Variants in SLIT3 observed in about 807,000 individuals in gnomAD.
The protein encoded by SLIT3 is slit guidance ligand 3.
A neutral mutation model predicts 184.0 loss-of-function variants in SLIT3; 68 were observed. The observed-to-expected ratio is 0.37, with a 90% CI of 0.30 to 0.45. SLIT3 has a LOEUF of 0.45. SLIT3 is among the 20% of genes least tolerant of loss of function. SLIT3 has a pLI of 1.00. For synonymous variants in SLIT3, 831 were observed against 828.6 expected, an observed-to-expected ratio of 1.00 and a Z score of -0.05; for missense variants, 1,707 against 2,026.0, an observed-to-expected ratio of 0.84 and a Z score of 3.02.
intron 3 of SLIT3, among the ~76,000 whole-genome samples, chr5:169,220,449 G>C (rs1406412354): frequency 1.3e-5 from 2 of 152,078 alleles, no homozygotes; most frequent in African/African-American, 4.8e-5. Context: ...GGGACCTCCT[G>C]AGTTTCTTTA....
intron 2 of SLIT3, among the ~76,000 whole-genome samples, chr5:169,246,943 A>G (rs1178038934): frequency 6.9e-6 from 1 of 144,662 alleles, no homozygotes; most frequent in African/African-American, 2.6e-5. Flanking sequence ...AAAAAAAAAA[A>G]AAAAAGGCTG....
chr5:168,931,880 T>C (rs1169124914), intron 4 of SLIT3, among the ~76,000 whole-genome samples: 1 of 152,188 alleles, frequency 6.6e-6, no homozygotes, highest in African/African-American at 2.4e-5. Context: ...TCCCTAGAGA[T>C]GTCTGTGTCA....
intron 5 of SLIT3, among the ~76,000 whole-genome samples, chr5:168,875,509 C>T (rs376681700): frequency 7.9e-5 from 12 of 152,026 alleles, no homozygotes; most frequent in Middle Eastern, 3.4e-3. Flanking sequence ...TGGCAGGCAC[C>T]GGTAATCCCA....
intron 4 of SLIT3, among the ~76,000 whole-genome samples, chr5:168,959,931 A>G (rs1338618373): frequency 6.6e-6 from 1 of 152,068 alleles, no homozygotes; most frequent in African/African-American, 2.4e-5. Context: ...TATCATCCTC[A>G]CTTTAGCGCT....
At chr5:168,969,130 C>T (rs1754458239) in intron 4 of SLIT3, among the ~76,000 whole-genome samples, 1 of 152,102 alleles carries the variant, frequency 6.6e-6, no homozygotes, top group Admixed American at 6.6e-5. Flanking sequence ...TCTTAACCAG[C>T]AGAGAGGAAC....
intron 8 of SLIT3, among the ~76,000 whole-genome samples, chr5:168,807,790 C>G (rs554628348): frequency 1.3e-5 from 2 of 152,276 alleles, no homozygotes; most frequent in East Asian, 3.9e-4. Flanking sequence ...GAAACTGAGT[C>G]TAGGAAGCCA....
chr5:169,288,253 C>T (rs1346621582), intron 1 of SLIT3, among the ~76,000 whole-genome samples: 4 of 152,068 alleles, frequency 2.6e-5, no homozygotes, highest in Admixed American at 6.6e-5. Flanking sequence ...AGTTAGAACT[C>T]TAATAAAATG....
chr5:169,181,923 T>C lies in SLIT3; in HGVS notation c.413+11556A>G, dbSNP rs563857519. 2.2e-4 allele frequency among the ~76,000 whole-genome samples: 34 copies of C among 152,288 alleles called. 1 individual carries two copies. In the South Asian group the frequency reaches 3.1e-3, roughly 14 times the overall value. ...GCATTTTGACCTCCAAAAGTCAAGATGTTCCCTTTATCTGGAGAAACGTTG... is the reference window on the plus strand; with the variant it reads ...GCATTTTGACCTCCAAAAGTCAAGACGTTCCCTTTATCTGGAGAAACGTTG... On this transcript the variant is annotated intron_variant, in intron 4 of 35. Coordinates refer to ENST00000519560, the MANE Select transcript of SLIT3 (RefSeq NM_003062.4).
chr5:169,006,578 T>C (rs74328213), intron 4 of SLIT3, among the ~76,000 whole-genome samples: 1,782 of 140,108 alleles, frequency 0.013, 83 homozygotes, highest in East Asian at 0.09. Flanking sequence ...TTTCCCCCTC[T>C]TCTCTCTCTC....
intron 1 of SLIT3, among the ~76,000 whole-genome samples, chr5:169,286,505 T>C (rs1283600883): frequency 6.6e-6 from 1 of 152,134 alleles, no homozygotes; most frequent in Non-Finnish European, 1.5e-5. Context: ...TGAGGATGCA[T>C]AGGGCTGAAA....
chr5:169,229,460 A>G (rs2113548495), intron 3 of SLIT3, among the ~76,000 whole-genome samples: 1 of 152,304 alleles, frequency 6.6e-6, no homozygotes, highest in African/African-American at 2.4e-5. Flanking sequence ...CCTCATTCCT[A>G]TCAGACATAA....
chr5:169,005,983 G>A (rs913851275), intron 4 of SLIT3, among the ~76,000 whole-genome samples: 3 of 152,208 alleles, frequency 2.0e-5, no homozygotes, highest in African/African-American at 4.8e-5. Context: ...ATTTGCTGTC[G>A]AATCTTCAAC....
intron 3 of SLIT3, among the ~76,000 whole-genome samples, chr5:169,235,539 T>G (rs1267048869): frequency 6.6e-6 from 1 of 152,238 alleles, no homozygotes; most frequent in Admixed American, 6.5e-5. Context: ...CTGTTGCATT[T>G]ATTATTCACT....
intron 4 of SLIT3, among the ~76,000 whole-genome samples, chr5:169,061,498 G>A (rs577038436): frequency 1.1e-3 from 174 of 152,318 alleles, no homozygotes; most frequent in African/African-American, 4.0e-3. Flanking sequence ...TCCACCCATG[G>A]TTCTGATCGC....
intron 5 of SLIT3, among the ~76,000 whole-genome samples, chr5:168,867,767 G>A (rs1759362145): frequency 6.6e-6 from 1 of 152,188 alleles, no homozygotes; most frequent in Non-Finnish European, 1.5e-5. Context: ...GGCCTTGGCA[G>A]GCAGTTGGAT....
chr5:168,684,218 T>G, intron 31 of SLIT3, 122 bp from the exon 32 acceptor site: 1 of 1,030,794 alleles, frequency 9.7e-7, no homozygotes. Flanking sequence ...TAAATTCATG[T>G]CCATCTTTCC....
Position 168,843,687 on chromosome 5 carries a change from G to A in SLIT3, c.557+897C>T, listed in dbSNP as rs532450373. 3.9e-5 allele frequency among the ~76,000 whole-genome samples: 6 copies of A among 152,308 alleles called. No individual in the cohort carries two copies. The South Asian group carries it at 1.2e-3, about 32-fold the overall frequency. On this transcript the variant is annotated intron_variant, in intron 6 of 35. Transcript: ENST00000519560. ...CACGTCTCCTGACAGAAGTGGCACA[G>A]GTTCTCCTGTGCTGTACTGCCTTCC...
At chr5:168,831,389 G>C (rs1216903502) in intron 6 of SLIT3, among the ~76,000 whole-genome samples, 1 of 152,058 alleles carries the variant, frequency 6.6e-6, no homozygotes, top group Non-Finnish European at 1.5e-5. Context: ...GACTATCCTG[G>C]GTGCTGCATA....
In SLIT3 at chr5:168,914,501, G is replaced by A. The variant is rs143784891; in HGVS notation, c.414-31165C>T. Among the ~76,000 whole-genome samples, 13 of 152,276 alleles carry A rather than the reference G, an allele frequency of 8.5e-5. No individual in the cohort carries two copies. The East Asian group carries it at 2.5e-3, about 29-fold the overall frequency. On this transcript the variant is annotated intron_variant, in intron 4 of 35. Transcript: ENST00000519560. ...GCACTTTCCACTAGCTGCTGCTGCC[G>A]TTACCTGGACTTTTCTGGGAACATC...
Sources: gnomAD v4.1 joint callset for allele counts (sites outside exome capture counted in the v4.1 genomes callset) on GRCh38, gnomAD v4.1.1 for gene constraint, MANE v1.5 for transcripts, NCBI Gene and HGNC (gene_info 2026-07-23, HGNC 2026-07-21) for gene names.